The following CAST variants were observed in gnomAD, a reference collection of about 807,000 sequenced individuals.
CAST encodes the protein calpastatin.
A neutral mutation model predicts 119.6 loss-of-function variants in CAST; 76 were observed. The ratio of observed to expected loss-of-function variants is 0.64; its 90% CI spans 0.53 to 0.77. The LOEUF (loss-of-function observed/expected upper bound fraction) is 0.77, where lower values mean the gene tolerates loss of function less well. CAST is among the 30% of genes least tolerant of loss of function. CAST has a pLI of 0.00. For synonymous variants in CAST, 319 were observed against 331.6 expected (o/e 0.96, Z 0.41); for missense variants, 953 against 946.5 (o/e 1.01, Z -0.09).
At chr5:96,451,158 T>C in the CAST span, among the ~76,000 whole-genome samples, 3 of 152,202 alleles carry the variant, frequency 2.0e-5, no homozygotes, top group African/African-American at 7.2e-5. Flanking sequence ...TACGTAATCT[T>C]AGACTGTACA....
chr5:96,280,157 G>C, the CAST span, among the ~76,000 whole-genome samples: 1 of 152,148 alleles, frequency 6.6e-6, no homozygotes, highest in Non-Finnish European at 1.5e-5. Context: ...TAATGAACAA[G>C]AGGTGATCTC....
chr5:96,716,702 TTTGTTTTTCTC>T (rs1757246260), intron 3 of CAST, among the ~76,000 whole-genome samples: 1 of 152,240 alleles, frequency 6.6e-6, no homozygotes, highest in Non-Finnish European at 1.5e-5. Context: ...GGTCAAATTA[TTTGTTTTTCTC>T]TTGTACATCT....
chr5:96,429,703 G>A, the CAST span, among the ~76,000 whole-genome samples: 4 of 152,014 alleles, frequency 2.6e-5, no homozygotes, highest in South Asian at 2.1e-4. Flanking sequence ...GAGAACATGC[G>A]GTATTCGGTT....
At chr5:96,501,404 C>A in the CAST span, among the ~76,000 whole-genome samples, 1 of 151,398 alleles carries the variant, frequency 6.6e-6, no homozygotes, top group Non-Finnish European at 1.5e-5. Context: ...AAATATCAGT[C>A]AAAAAAAACT....
chr5:96,354,898 T>C, the CAST span, among the ~76,000 whole-genome samples: 1 of 151,976 alleles, frequency 6.6e-6, no homozygotes, highest in East Asian at 1.9e-4. Context: ...TTTCTTAATT[T>C]TTTAATATTG....
intron 1 of CAST, among the ~76,000 whole-genome samples, chr5:96,580,229 A>C (rs1029630056): frequency 2.6e-5 from 4 of 152,202 alleles, no homozygotes; most frequent in African/African-American, 9.7e-5. Flanking sequence ...TTCCCCAGAA[A>C]CTGGGTAATA....
chr5:96,267,136 A>T, the CAST span, among the ~76,000 whole-genome samples: 1 of 152,206 alleles, frequency 6.6e-6, no homozygotes, highest in Non-Finnish European at 1.5e-5. Context: ...GAGAAAAAAT[A>T]AAAAAGAATG....
chr5:96,467,409 G>T, the CAST span, among the ~76,000 whole-genome samples: 29 of 151,936 alleles, frequency 1.9e-4, no homozygotes. Flanking sequence ...CCCCTATACT[G>T]AGATTAAAAA....
intron 22 of CAST, among the ~76,000 whole-genome samples, chr5:96,756,547 C>T (rs78795578): frequency 2.2e-4 from 34 of 152,272 alleles, no homozygotes; most frequent in Non-Finnish European, 3.7e-4. Flanking sequence ...AAAATGCCCC[C>T]GTGAGCATTT....
chr5:96,444,757 T>A, the CAST span, among the ~76,000 whole-genome samples: 12 of 152,340 alleles, frequency 7.9e-5, no homozygotes, highest in Middle Eastern at 3.4e-3. Context: ...TTATTTATTT[T>A]TTTATTTTTT....
chr5:96,310,672 G>A, the CAST span, among the ~76,000 whole-genome samples: 1 of 151,126 alleles, frequency 6.6e-6, no homozygotes. Context: ...GAGGTTGTAT[G>A]TGTCTAGGAA....
chr5:96,145,945 T>TG, the CAST span, among the ~76,000 whole-genome samples: 1 of 152,150 alleles, frequency 6.6e-6, no homozygotes, highest in Non-Finnish European at 1.5e-5. Flanking sequence ...GGCTGTCAGC[T>TG]GGGGGTCTTA....
the CAST span, chr5:96,410,972 C>A: frequency 6.2e-7 from 1 of 1,612,960 alleles, no homozygotes; most frequent in Non-Finnish European, 8.5e-7. Context: ...AGATGGACCC[C>A]TTCCCCTGTC....
intron 1 of CAST, among the ~76,000 whole-genome samples, chr5:96,554,973 A>G (rs984996419): frequency 6.6e-6 from 1 of 152,204 alleles, no homozygotes. Context: ...AATTAGTTCA[A>G]CCGTTGTGGA....
At chr5:96,619,982 A>G (rs999260379) in intron 1 of CAST, among the ~76,000 whole-genome samples, 2 of 152,224 alleles carry the variant, frequency 1.3e-5, no homozygotes, top group African/African-American at 4.8e-5. Context: ...TAAAATAAAG[A>G]CAACACCCAT....
chr5:96,124,372 T>C, the CAST span, among the ~76,000 whole-genome samples: 1 of 152,130 alleles, frequency 6.6e-6, no homozygotes, highest in Admixed American at 6.6e-5. Flanking sequence ...ACAGAGTTTA[T>C]TAATGCCCTC....
At chr5:96,475,535 A>G in the CAST span, among the ~76,000 whole-genome samples, 1 of 152,216 alleles carries the variant, frequency 6.6e-6, no homozygotes, top group Non-Finnish European at 1.5e-5. Context: ...GTACAAGGAC[A>G]GAAAATTGCA....
At chr5:96,425,774 G>GCCAGGTC in the CAST span, 97 of 1,028,982 alleles carry the variant, frequency 9.4e-5, no homozygotes, top group Admixed American at 1.1e-3. Context: ...ACATAAAGAA[G>GCCAGGTC]CCAGGTCCCA....
chr5:96,515,698 G>C, the CAST span, among the ~76,000 whole-genome samples: 1 of 152,118 alleles, frequency 6.6e-6, no homozygotes, highest in Non-Finnish European at 1.5e-5. Context: ...TAGTGAATGG[G>C]TTGGGTACCA....
Sources: allele counts gnomAD v4.1 joint callset (sites outside exome capture counted in the v4.1 genomes callset), GRCh38; gene constraint gnomAD v4.1.1; transcripts MANE v1.5; gene names NCBI Gene and HGNC (gene_info 2026-07-23, HGNC 2026-07-21).